GPC6: variants seen among roughly 807,000 people sequenced by gnomAD.
GPC6 encodes the protein glypican-6.
Under a neutral mutation model 55.2 loss-of-function variants are expected in GPC6, and 14 were observed. The ratio of observed to expected loss-of-function variants is 0.25; its 90% CI spans 0.17 to 0.40. The LOEUF is 0.40. Ranked by LOEUF, GPC6 falls within the 10% of genes least tolerant of loss-of-function variation. The probability of loss-of-function intolerance (pLI) is 1.00; values close to 1 mark genes in which losing one functional copy is unlikely to be tolerated. For missense variants in GPC6, 641 were observed against 708.5 expected, an observed-to-expected ratio of 0.90 and a Z score of 1.08; for synonymous variants, 278 against 259.6, an observed-to-expected ratio of 1.07 and a Z score of -0.68.
intron 3 of GPC6, among the ~76,000 whole-genome samples, chr13:93,868,808 C>A (rs979220167): frequency 2.0e-5 from 3 of 151,804 alleles, no homozygotes; most frequent in Non-Finnish European, 4.4e-5. Context: ...CCTGACTGAA[C>A]CCTCTTTCGA....
intron 3 of GPC6, among the ~76,000 whole-genome samples, chr13:93,986,409 C>A (rs1229025568): frequency 6.6e-6 from 1 of 152,092 alleles, no homozygotes; most frequent in Non-Finnish European, 1.5e-5. Flanking sequence ...AAAGTTTCAT[C>A]TGAACAAAGA....
intron 2 of GPC6, among the ~76,000 whole-genome samples, chr13:93,767,035 G>A (rs1200551504): frequency 6.6e-6 from 1 of 151,858 alleles, no homozygotes; most frequent in South Asian, 2.1e-4. Context: ...AGTGCTTTAA[G>A]CTAAGCTCCC....
intron 4 of GPC6, among the ~76,000 whole-genome samples, chr13:94,099,348 T>C (rs1885773139): frequency 6.6e-6 from 1 of 152,142 alleles, no homozygotes; most frequent in African/African-American, 2.4e-5. Flanking sequence ...CCCTTCTTGA[T>C]ATTTATCAAA....
At chr13:94,242,978 G>GC (rs1418418492) in intron 4 of GPC6, among the ~76,000 whole-genome samples, 1 of 151,424 alleles carries the variant, frequency 6.6e-6, no homozygotes, top group African/African-American at 2.4e-5. Flanking sequence ...CTTGTGGAAT[G>GC]CCCAGGCACA....
chr13:93,670,473 T>C (rs1029766744), intron 2 of GPC6, among the ~76,000 whole-genome samples: 2 of 152,224 alleles, frequency 1.3e-5, no homozygotes, highest in African/African-American at 4.8e-5. Context: ...TCATAATGTA[T>C]ACACATGGCC....
intron 1 of GPC6, among the ~76,000 whole-genome samples, chr13:93,331,292 G>A (rs1416108406): frequency 1.3e-5 from 2 of 152,044 alleles, no homozygotes; most frequent in African/African-American, 4.8e-5. Context: ...GAAAGGAATT[G>A]TACTTATCTT....
intron 4 of GPC6, among the ~76,000 whole-genome samples, chr13:94,061,671 G>A (rs1594704705): frequency 6.6e-6 from 1 of 151,600 alleles, no homozygotes; most frequent in Admixed American, 6.6e-5. Flanking sequence ...ACTCATGGGA[G>A]GTGAAATCTT....
At chr13:94,081,609 A>G (rs1885096705) in intron 4 of GPC6, among the ~76,000 whole-genome samples, 1 of 152,180 alleles carries the variant, frequency 6.6e-6, no homozygotes, top group African/African-American at 2.4e-5. Context: ...GGAGTTCTAC[A>G]AAAGCACTCC....
intron 6 of GPC6, among the ~76,000 whole-genome samples, chr13:94,374,770 A>G (rs1879758246): frequency 7.4e-6 from 1 of 134,704 alleles, no homozygotes; most frequent in Non-Finnish European, 1.6e-5. Context: ...TTTTTTCAGC[A>G]CCACACCACA....
chr13:94,403,383 C>T lies in GPC6; in HGVS notation c.*166C>T. The T allele has an allele frequency of 1.5e-6, 1 of 683,524 alleles. No individual in the cohort carries two copies. The highest frequency in any genetic ancestry group is 2.0e-5 in the Admixed American group (1 of 49,218). 42.3% of individuals were successfully genotyped at this position (683,524 alleles called of 1,614,324 possible). A position where few individuals can be genotyped will look rare whatever the true frequency, so the allele number is the denominator to read the frequency against. Reference sequence around the variant, plus strand: ...TCCCTTTTTGTTTTCCCAAAGAGTACCGGGTGCCAGACTGAACTGCTTCCT... The same window carrying T: ...TCCCTTTTTGTTTTCCCAAAGAGTATCGGGTGCCAGACTGAACTGCTTCCT... On this transcript the variant is annotated 3_prime_UTR_variant, in exon 9 of 9. Coordinates refer to ENST00000377047, the MANE Select transcript of GPC6 (RefSeq NM_005708.5).
intron 3 of GPC6, among the ~76,000 whole-genome samples, chr13:93,941,385 C>T (rs1426280982): frequency 6.6e-6 from 1 of 152,102 alleles, no homozygotes; most frequent in Non-Finnish European, 1.5e-5. Flanking sequence ...TCCCTTATAA[C>T]TCAAAAATTC....
chr13:94,196,942 T>C (rs1431788571), intron 4 of GPC6, among the ~76,000 whole-genome samples: 1 of 152,222 alleles, frequency 6.6e-6, no homozygotes, highest in African/African-American at 2.4e-5. Flanking sequence ...TGCATGGTAA[T>C]ATGTCCTATC....
rs558422250 is a variant in GPC6 at position 94,217,769 on chromosome 13, C to G, written c.878-68580C>G. On this transcript the variant is annotated intron_variant, in intron 4 of 8. Coordinates refer to ENST00000377047, the MANE Select transcript of GPC6 (RefSeq NM_005708.5). ...TGGTTAAGAGCACAGGCTTCGGCAT[C>G]AAGGAGACACCAGTTCTGATCTTAG... Among the ~76,000 whole-genome samples, 5 of 152,280 alleles carry G rather than the reference C, an allele frequency of 3.3e-5. No homozygotes were observed. In the East Asian group the frequency reaches 9.6e-4, roughly 29 times the overall value.
chr13:94,191,958 T>G (rs1319307810), intron 4 of GPC6, among the ~76,000 whole-genome samples: 1 of 152,164 alleles, frequency 6.6e-6, no homozygotes, highest in African/African-American at 2.4e-5. Flanking sequence ...CTCTTATACT[T>G]GAAGAGAAGA....
intron 6 of GPC6, among the ~76,000 whole-genome samples, chr13:94,308,730 AC>A (rs1458248684): frequency 6.6e-6 from 1 of 152,188 alleles, no homozygotes; most frequent in Non-Finnish European, 1.5e-5. Flanking sequence ...CGTGTAATGC[AC>A]AGCCAGCCAT....
At chr13:93,781,197 A>T (rs995360275) in intron 2 of GPC6, among the ~76,000 whole-genome samples, 1 of 151,568 alleles carries the variant, frequency 6.6e-6, no homozygotes, top group African/African-American at 2.4e-5. Context: ...AATCACTTGA[A>T]CCTGGGAGGC....
intron 3 of GPC6, among the ~76,000 whole-genome samples, chr13:93,840,600 T>C (rs1373805244): frequency 1.3e-5 from 2 of 152,172 alleles, no homozygotes. Context: ...TCTTTACCTA[T>C]TTTTGTACCT....
intron 2 of GPC6, among the ~76,000 whole-genome samples, chr13:93,802,837 C>T (rs1412729445): frequency 1.3e-5 from 2 of 152,028 alleles, no homozygotes; most frequent in African/African-American, 4.8e-5. Context: ...AGAAATAATT[C>T]CTAGGATAAT....
intron 4 of GPC6, among the ~76,000 whole-genome samples, chr13:94,060,398 G>A (rs1013421415): frequency 4.6e-5 from 7 of 152,094 alleles, no homozygotes; most frequent in African/African-American, 1.7e-4. Context: ...AACAGTGACT[G>A]GCAGGCACAT....
Sources: gnomAD v4.1 joint callset for allele counts (sites outside exome capture counted in the v4.1 genomes callset) on GRCh38, gnomAD v4.1.1 for gene constraint, MANE v1.5 for transcripts, NCBI Gene and HGNC (gene_info 2026-07-23, HGNC 2026-07-21) for gene names.